The following LCK variants were observed in gnomAD, a reference collection of about 807,000 sequenced individuals.
The protein encoded by LCK is LCK proto-oncogene, Src family tyrosine kinase.
In LCK, 14 loss-of-function variants were observed where a neutral mutation model predicts 64.6. The ratio of observed to expected loss-of-function variants is 0.22; its 90% CI spans 0.14 to 0.34. LCK has a LOEUF of 0.34. Ranked by LOEUF, LCK falls within the 10% of genes least tolerant of loss-of-function variation. LCK has a pLI of 1.00. For missense variants in LCK, 434 were observed against 668.1 expected, an observed-to-expected ratio of 0.65 and a Z score of 3.86; for synonymous variants, 277 against 263.6, an observed-to-expected ratio of 1.05 and a Z score of -0.49.
chr1:32,269,986 G>A (rs1640032902), intron 1 of LCK, among the ~76,000 whole-genome samples: 1 of 152,214 alleles, frequency 6.6e-6, no homozygotes, highest in South Asian at 2.1e-4. Context: ...CACAGTAAGT[G>A]TCAAAATTGC....
In LCK at chr1:32,251,818, G is replaced by A. The variant is rs1412717714; in HGVS notation, c.-6+447G>A. ...GCCACCCCGCCTGGAGCAGGGTGAT[G>A]GACAGGCTGGACTCAGAGGACCCAG... On this transcript the variant is annotated intron_variant, in intron 1 of 12. Coordinates refer to ENST00000336890, the MANE Select transcript of LCK (RefSeq NM_005356.5). The surrounding 1 kb of genome is among the most constrained non-coding windows in gnomAD (Gnocchi z 4.0). 1.3e-5 allele frequency among the ~76,000 whole-genome samples: 2 copies of A among 151,816 alleles called. No individual in the cohort carries two copies. The highest frequency in any genetic ancestry group is 6.6e-5 in the Admixed American group (1 of 15,220).
At chr1:32,277,213 C>CAAAAAAAAA (rs10645285) in intron 9 of LCK, 1 of 84,008 alleles carries the variant, frequency 1.2e-5, no homozygotes, top group Non-Finnish European at 2.2e-5. Flanking sequence ...AAGACTCTAT[C>CAAAAAAAAA]AAAAAAAAAA....
chr1:32,274,883 CT>C, intron 3 of LCK, 65 bp downstream of exon 3: 2 of 1,613,848 alleles, frequency 1.2e-6, no homozygotes, highest in African/African-American at 2.7e-5. Context: ...GCTTCCACCT[CT>C]CCCCCACCTA....
chr1:32,273,359 TGA>T (rs768504673), intron 1 of LCK, among the ~76,000 whole-genome samples: 6 of 149,108 alleles, frequency 4.0e-5, no homozygotes, highest in African/African-American at 9.9e-5. Context: ...TGTGTGTGTG[TGA>T]GAGTGTGTGT....
At position 32,276,329 on chromosome 1, in the gene LCK, C is replaced by G. The variant is rs776467387; in HGVS notation, c.632-8C>G. Reference sequence around the variant, plus strand: ...TTGACAGCCTTCACCCCTCCCTCGTCCTCGCAGATGCTTCAGATGGGCTGT... The same window carrying G: ...TTGACAGCCTTCACCCCTCCCTCGTGCTCGCAGATGCTTCAGATGGGCTGT... On this transcript the variant is annotated splice_polypyrimidine_tract_variant and splice_region_variant and intron_variant, in intron 7 of 12. Transcript: ENST00000336890. The surrounding 1 kb of genome is among the most constrained non-coding windows in gnomAD (Gnocchi z 4.6). The G allele has an allele frequency of 6.4e-7, 1 of 1,557,530 alleles. No homozygotes were observed. The highest frequency in any genetic ancestry group is 2.3e-5 in the East Asian group (1 of 44,432).
intron 9 of LCK, among the ~76,000 whole-genome samples, chr1:32,279,093 T>C (rs1290321495): frequency 6.6e-6 from 1 of 152,196 alleles, no homozygotes; most frequent in Admixed American, 6.5e-5. Context: ...CAGGGAAACC[T>C]GATTTTAGTT....
chr1:32,274,454 C>A lies in LCK; in HGVS notation c.105+20C>A, dbSNP rs771749309. ...GGCACGGTAAGAGGCGAGACAGGGG[C>A]CTTGGTGAGGGAGTTGGGTAGAGAA... On this transcript the variant is annotated intron_variant, in intron 2 of 12. Coordinates refer to ENST00000336890, the MANE Select transcript of LCK (RefSeq NM_005356.5). 1.9e-6 allele frequency: 3 copies of A among 1,589,680 alleles called. No homozygotes were observed. The highest frequency in any genetic ancestry group is 2.2e-5 in the East Asian group (1 of 44,692).
Position 32,276,645 on chromosome 1 carries a change from C to A in LCK, c.823C>A (p.Leu275Met). ...GCACACGAAGGTGGCGGTGAAGAGC[C>A]TGAAGCAGGGCAGCATGTCCCCGGA... ...NGHTKVAVKS[L>M]KQGSMSPDAF... The change falls in exon 9 of 13, where the codon CTG becomes ATG. Residue 275 changes from leucine (L) to methionine (M), a missense_variant. By Grantham distance (15) the Leu-to-Met change is conservative. Around this residue, in one of 2 missense-constraint regions of LCK, gnomAD observed 201 missense variants for 376.9 expected, o/e 0.53. Transcript: ENST00000336890. The surrounding 1 kb of genome is among the most constrained non-coding windows in gnomAD (Gnocchi z 4.6). The A allele has an allele frequency of 1.2e-6, 2 of 1,613,864 alleles. No homozygotes were observed. The highest frequency in any genetic ancestry group is 1.7e-6 in the Non-Finnish European group (2 of 1,179,912).
At chr1:32,272,406 T>C (rs185919103) in intron 1 of LCK, among the ~76,000 whole-genome samples, 1 of 151,534 alleles carries the variant, frequency 6.6e-6, no homozygotes, top group Non-Finnish European at 1.5e-5. Flanking sequence ...CTGGGCAACA[T>C]AGTGAGACCT....
rs1037269488 is a variant in LCK, at chr1:32,251,973, G to A, written c.-6+602G>A. The stretch of plus-strand genomic sequence containing the variant: ...CCAAGGCATCCAGATGGACATGCGA[G>A]GAGTGATTTTAGCCTCAGCGATCGA... On this transcript the variant is annotated intron_variant, in intron 1 of 12. Transcript: ENST00000336890. The surrounding 1 kb of genome is among the most constrained non-coding windows in gnomAD (Gnocchi z 4.0). 7.9e-5 allele frequency among the ~76,000 whole-genome samples: 12 copies of A among 151,802 alleles called. No homozygotes were observed.
chr1:32,270,848 C>T (rs1640061676), intron 1 of LCK, among the ~76,000 whole-genome samples: 1 of 151,436 alleles, frequency 6.6e-6, no homozygotes, highest in African/African-American at 2.4e-5. Context: ...AGATTACAGG[C>T]ACCTGCCACC....
At position 32,276,587 on chromosome 1, in the gene LCK, C is replaced by T. The variant is rs757937599; in HGVS notation, c.785-20C>T. 4.4e-6 allele frequency: 7 copies of T among 1,593,380 alleles called. No individual in the cohort carries two copies. The Admixed American group carries it at 6.8e-5, about 16-fold the overall frequency. On this transcript the variant is annotated intron_variant, in intron 8 of 12. Coordinates refer to ENST00000336890, the MANE Select transcript of LCK (RefSeq NM_005356.5). The surrounding 1 kb of genome is among the most constrained non-coding windows in gnomAD (Gnocchi z 4.6). ...ACAGCTGCCTGGCGACTTTCCCACTCCTTCCCTTCCCCGACCCAGGGTACT... is the reference window on the plus strand; with the variant it reads ...ACAGCTGCCTGGCGACTTTCCCACTTCTTCCCTTCCCCGACCCAGGGTACT...
chr1:32,280,319 CTATCT>C (rs1640413508), intron 12 of LCK, 109 bp downstream of exon 12: 1 of 1,429,820 alleles, frequency 7.0e-7, no homozygotes, highest in South Asian at 1.3e-5. Context: ...TGCATCTCCT[CTATCT>C]TCTCAGGGGT....
intron 12 of LCK, among the ~76,000 whole-genome samples, chr1:32,280,443 C>CTTTTTTTTTTTTTTTTTTTTTTTTTT (rs770430504): frequency 2.4e-5 from 2 of 84,744 alleles, no homozygotes; most frequent in African/African-American, 5.5e-5. Context: ...TTTTCTTTTT[C>CTTTTTTTTTTTTTTTTTTTTTTTTTT]TTTTTTTTTT....
Position 32,275,500 on chromosome 1 carries a change from A to T in LCK, c.378-69A>T. 1 of 1,564,842 alleles carries T rather than the reference A, an allele frequency of 6.4e-7. No homozygotes were observed. Among genetic ancestry groups the T allele is most frequent in the Non-Finnish European group, 8.7e-7 (1 of 1,147,270 alleles). The stretch of plus-strand genomic sequence containing the variant: ...AGGGAGTAGGCCTGGGGTGGCGGTG[A>T]AGGCTTGAGGGCCACGGAGGAAGAT... On this transcript the variant is annotated intron_variant, in intron 5 of 12. Coordinates refer to ENST00000336890, the MANE Select transcript of LCK (RefSeq NM_005356.5). This position sits in a 1 kb window ranked among gnomAD's most constrained non-coding sequence, Gnocchi z 6.9.
intron 1 of LCK, among the ~76,000 whole-genome samples, chr1:32,272,501 C>T (rs1033620222): frequency 1.3e-5 from 2 of 150,920 alleles, no homozygotes; most frequent in Non-Finnish European, 2.9e-5. Flanking sequence ...GGGAAGATTG[C>T]TTGAGCCCAG....
Position 32,258,475 on chromosome 1 carries a change from T to A in LCK, c.-6+7104T>A, listed in dbSNP as rs112131817. ...ACAGAGTGAGATGTGAGACTCCATC[T>A]CTTTAAAAAAAAAAAAAAAAACCAG... On this transcript the variant is annotated intron_variant, in intron 1 of 12. Transcript: ENST00000336890. 1.3e-4 allele frequency among the ~76,000 whole-genome samples: 18 copies of A among 139,236 alleles called. 1 individual carries two copies. Among genetic ancestry groups the A allele is most frequent in the African/African-American group, 4.9e-4 (18 of 36,802 alleles). 91.3% of individuals were successfully genotyped at this position (139,236 alleles called of 152,430 possible).
chr1:32,285,838 AC>A lies in LCK; in HGVS notation c.*123del, dbSNP rs146318120. The A allele has an allele frequency of 1.5e-5, 14 of 963,624 alleles. No homozygotes were observed. In the East Asian group the frequency reaches 3.7e-4, roughly 25 times the overall value. The allele number at this position is 963,624 out of a possible 1,614,324, so 59.7% of individuals were successfully genotyped here. On this transcript the variant is annotated 3_prime_UTR_variant, in exon 13 of 13. Coordinates refer to ENST00000336890, the MANE Select transcript of LCK (RefSeq NM_005356.5). ...TGGACTCTGCACATGAATCCCACCC[AC>A]ATGTGACACATATGCACCTTGTGTC... is the stretch of plus-strand genomic sequence containing the variant.
chr1:32,280,310 G>T, intron 12 of LCK, 100 bp downstream of exon 12: 2 of 1,474,534 alleles, frequency 1.4e-6, no homozygotes, highest in Non-Finnish European at 1.8e-6. Context: ...CTTTGTAGCT[G>T]CATCTCCTCT....
Sources: gnomAD v4.1 joint callset for allele counts (sites outside exome capture counted in the v4.1 genomes callset) on GRCh38, gnomAD v4.1.1 for gene constraint, gnomAD v4.1.1 regional missense constraint, Gnocchi (gnomAD v3.1) non-coding constraint, MANE v1.5 for transcripts, NCBI Gene and HGNC (gene_info 2026-07-23, HGNC 2026-07-21) for gene names.